Variants in EMC9 observed in about 807,000 individuals in gnomAD.
EMC9 encodes UPF0172 protein FAM158A.
EMC9 carries 20 observed loss-of-function variants against 25.0 expected under a neutral mutation model. That is an observed-to-expected ratio of 0.80 (90% CI 0.56 to 1.16). The LOEUF is 1.16. Ranked by LOEUF, EMC9 falls within the 50% of genes most tolerant of loss-of-function variation. The pLI is 0.00. For missense variants in EMC9, 256 were observed against 268.7 expected, an observed-to-expected ratio of 0.95 and a Z score of 0.33; for synonymous variants, 100 against 107.0, an observed-to-expected ratio of 0.93 and a Z score of 0.40.
chr14:24,141,109 G>A lies in EMC9; in HGVS notation c.196C>T (p.Gln66Ter), dbSNP rs761756914. The change falls in exon 2 of 6, where the codon CAG (glutamine) becomes TAG (stop). Residue 66 changes from glutamine to a stop codon, truncating the protein, a stop_gained and splice_region_variant. Transcript: ENST00000216799. LOFTEE classifies it high-confidence loss of function. Reference protein sequence around the residue: ...LSVMLEVALNQVDVWGAQAGL... With the variant: ...LSVMLEVALN The stretch of plus-strand genomic sequence containing the variant: ...GGATGGGCATCCAACGGAGGCACCT[G>A]GTTGAGGGCGACCTCCAACATGACG... The A allele has an allele frequency of 2.5e-6, 4 of 1,613,910 alleles. No individual in the cohort carries two copies. The highest frequency in any genetic ancestry group is 2.5e-6 in the Non-Finnish European group (3 of 1,180,056).
rs933929936 is a variant in EMC9 at position 24,140,287 on chromosome 14, G to C, written c.275+602C>G. 2.0e-5 allele frequency: 3 copies of C among 153,162 alleles called. No homozygotes were observed. In the East Asian group the frequency reaches 5.7e-4, roughly 29 times the overall value. 9.5% of individuals were successfully genotyped at this position (153,162 alleles called of 1,614,324 possible). A position where few individuals can be genotyped will look rare whatever the true frequency, so the allele number is the denominator to read the frequency against. ...TCAGTTAAAGCAAGATCAGTCTGTT[G>C]GCCGAGAGTGGTGGCTCACGCCTGT... On this transcript the variant is annotated intron_variant, in intron 3 of 5. Transcript: ENST00000216799.
chr14:24,139,792 G>T lies in EMC9; in HGVS notation c.276-178C>A. On this transcript the variant is annotated intron_variant, in intron 3 of 5. Transcript: ENST00000216799. This position sits in a 1 kb window ranked among gnomAD's most constrained non-coding sequence, Gnocchi z 4.6. Reference sequence around the variant, plus strand: ...CACGACTGCTTGATGCTTGAGTGCTGTGGGAGACAGGTGCTCAGATATTGC... The same window carrying T: ...CACGACTGCTTGATGCTTGAGTGCTTTGGGAGACAGGTGCTCAGATATTGC... The T allele has an allele frequency of 1.3e-6, 2 of 1,532,036 alleles. No individual in the cohort carries two copies. The highest frequency in any genetic ancestry group is 1.8e-6 in the Non-Finnish European group (2 of 1,133,878). The allele number at this position is 1,532,036 out of a possible 1,614,324, so 94.9% of individuals were successfully genotyped here.
At chr14:24,141,347 C>G in intron 1 of EMC9, 31 bp from the exon 2 acceptor site, 2 of 1,604,936 alleles carry the variant, frequency 1.2e-6, no homozygotes, top group Non-Finnish European at 8.5e-7. Flanking sequence ...CGGATTAGTA[C>G]CGGATTAGGC....
chr14:24,141,171 T>C lies in EMC9; in HGVS notation c.134A>G (p.Asp45Gly), dbSNP rs781617704. The change falls in exon 2 of 6, where the codon GAC becomes GGC. Residue 45 changes from aspartate (D) to glycine (G), a missense_variant. Physicochemically the swap from Asp to Gly is moderately conservative, Grantham distance 94. Coordinates refer to ENST00000216799, the MANE Select transcript of EMC9 (RefSeq NM_016049.4). ...PRSGECLCLT[D>G]CVPLFHSHLA... ...GTGGCTGTGGAAGAGGGGCACACAG[T>C]CGGTGAGGCACAGGCATTCTCCAGA... 1 of 1,614,098 alleles carries C rather than the reference T, an allele frequency of 6.2e-7. No individual in the cohort carries two copies. The highest frequency in any genetic ancestry group is 8.5e-7 in the Non-Finnish European group (1 of 1,180,042).
Position 24,141,308 on chromosome 14 carries a change from G to C in EMC9, c.-4C>G. On this transcript the variant is annotated 5_prime_UTR_variant, in exon 2 of 6. Coordinates refer to ENST00000216799, the MANE Select transcript of EMC9 (RefSeq NM_016049.4). ...CCGAGATCTCCACCTCCCCCATGGC[G>C]AGCGAGGCCTGGACGGGAAGCAGCA... 6.2e-7 allele frequency: 1 copy of C among 1,613,946 alleles called. No individual in the cohort carries two copies. The highest frequency in any genetic ancestry group is 8.5e-7 in the Non-Finnish European group (1 of 1,180,014).
Position 24,139,596 on chromosome 14 carries a change from C to T in EMC9, c.294G>A (p.Leu98=). ...VNDQSPGPLA[L]KIAGRIAEFF... ...ATTCTGCAATTCGCCCAGCAATTTTCAAGGCCAGGGGCCCAGGGCTGTGTA... is the reference window on the plus strand; with the variant it reads ...ATTCTGCAATTCGCCCAGCAATTTTTAAGGCCAGGGGCCCAGGGCTGTGTA... The change falls in exon 4 of 6, where the codon TTG becomes TTA. Residue 98 remains leucine (L), a synonymous_variant. Transcript: ENST00000216799. This position sits in a 1 kb window ranked among gnomAD's most constrained non-coding sequence, Gnocchi z 4.6. The T allele has an allele frequency of 6.2e-7, 1 of 1,614,034 alleles. No homozygotes were observed. Among genetic ancestry groups the T allele is most frequent in the Non-Finnish European group, 8.5e-7 (1 of 1,179,946 alleles).
intron 1 of EMC9, 58 bp downstream of exon 1, chr14:24,141,380 C>T: frequency 6.7e-7 from 1 of 1,491,418 alleles, no homozygotes; most frequent in Non-Finnish European, 9.3e-7. Flanking sequence ...AGCTCGCGTC[C>T]GTGAAGCTCC....
In EMC9 at chr14:24,139,974, G is replaced by T; in HGVS notation, c.276-360C>A. ...GGACAGTGTCTGTAATAAAACACTG[G>T]AAACAACCTCAATGTTTAAAGTATT... On this transcript the variant is annotated intron_variant, in intron 3 of 5. Coordinates refer to ENST00000216799, the MANE Select transcript of EMC9 (RefSeq NM_016049.4). The surrounding 1 kb of genome is among the most constrained non-coding windows in gnomAD (Gnocchi z 4.6). 1 of 409,002 alleles carries T rather than the reference G, an allele frequency of 2.4e-6. No individual in the cohort carries two copies. The highest frequency in any genetic ancestry group is 4.8e-6 in the Non-Finnish European group (1 of 208,286). The allele number at this position is 409,002 out of a possible 1,614,324, so 25.3% of individuals were successfully genotyped here.
At chr14:24,140,718 G>C (rs1002444677) in intron 3 of EMC9, among the ~76,000 whole-genome samples, 171 bp downstream of exon 3, 4 of 152,158 alleles carry the variant, frequency 2.6e-5, no homozygotes, top group African/African-American at 9.7e-5. Context: ...CATAGTGCCT[G>C]GTGTAAAGCC....
chr14:24,139,611 AGG>A lies in EMC9; in HGVS notation c.277_278del (p.Pro93TrpfsTer17). On this transcript the variant is annotated frameshift_variant and splice_region_variant, in exon 4 of 6. Transcript: ENST00000216799. LOFTEE classifies it high-confidence loss of function. The surrounding 1 kb of genome is among the most constrained non-coding windows in gnomAD (Gnocchi z 4.6). ...HANAAVNDQS[P>X]GPLALKIAGR... ...CAGCAATTTTCAAGGCCAGGGGCCCAGGGCTGTGTAGAGGGAAGATCAGAGGA... is the reference window on the plus strand; with the variant it reads ...CAGCAATTTTCAAGGCCAGGGGCCCAGCTGTGTAGAGGGAAGATCAGAGGA... 1 of 1,613,796 alleles carries A rather than the reference AGG, an allele frequency of 6.2e-7. No individual in the cohort carries two copies. Among genetic ancestry groups the A allele is most frequent in the Non-Finnish European group, 8.5e-7 (1 of 1,179,830 alleles).
At chr14:24,141,350 G>A in intron 1 of EMC9, 34 bp from the exon 2 acceptor site, 3 of 1,600,328 alleles carry the variant, frequency 1.9e-6, no homozygotes, top group African/African-American at 1.3e-5. Flanking sequence ...ATTAGTACCG[G>A]ATTAGGCGAG....
At position 24,141,197 on chromosome 14, in the gene EMC9, C is replaced by T. The variant is rs774458401; in HGVS notation, c.108G>A (p.Arg36=). 6.2e-7 allele frequency: 1 copy of T among 1,614,198 alleles called. No individual in the cohort carries two copies. The highest frequency in any genetic ancestry group is 1.3e-5 in the African/African-American group (1 of 75,080). The part of the protein sequence containing the change: ...VNGLFLAPAP[R]SGECLCLTDC... ...CGGTGAGGCACAGGCATTCTCCAGA[C>T]CGCGGCGCTGGCGCCAAAAACAGCC... The change falls in exon 2 of 6, where the codon CGG becomes CGA. Residue 36 remains arginine, a synonymous_variant. Coordinates refer to ENST00000216799, the MANE Select transcript of EMC9 (RefSeq NM_016049.4).
At position 24,139,238 on chromosome 14, in the gene EMC9, G is replaced by A. The variant is rs765706144; in HGVS notation, c.441-42C>T. The A allele has an allele frequency of 1.4e-5, 22 of 1,609,762 alleles. No individual in the cohort carries two copies. Among genetic ancestry groups the A allele is most frequent in the Non-Finnish European group, 1.9e-5 (22 of 1,176,920 alleles). On this transcript the variant is annotated intron_variant, in intron 5 of 5. Coordinates refer to ENST00000216799, the MANE Select transcript of EMC9 (RefSeq NM_016049.4). This position sits in a 1 kb window ranked among gnomAD's most constrained non-coding sequence, Gnocchi z 4.6. ...CATGGAGGTCAAACAGCAAGTAGTG[G>A]GTCCAGACACAGACTTAACAGAGAT...
rs985204245 is a variant in EMC9, at chr14:24,139,203, T to C, written c.441-7A>G. 1.9e-6 allele frequency: 3 copies of C among 1,613,844 alleles called. No homozygotes were observed. Among genetic ancestry groups the C allele is most frequent in the Non-Finnish European group, 2.5e-6 (3 of 1,179,856 alleles). On this transcript the variant is annotated splice_region_variant and splice_polypyrimidine_tract_variant and intron_variant, in intron 5 of 5. Coordinates refer to ENST00000216799, the MANE Select transcript of EMC9 (RefSeq NM_016049.4). This position sits in a 1 kb window ranked among gnomAD's most constrained non-coding sequence, Gnocchi z 4.6. Reference sequence around the variant, plus strand: ...CCAGTCCCTCCACATCACTCTGAAATAGTAACCCCCATGGAGGTCAAACAG... The same window carrying C: ...CCAGTCCCTCCACATCACTCTGAAACAGTAACCCCCATGGAGGTCAAACAG...
rs762981735 is a variant in EMC9 at position 24,139,749 on chromosome 14, C to CCTGCTGGATGCTTGATGCACGA, written c.276-157_276-136dup. On this transcript the variant is annotated intron_variant, in intron 3 of 5. Transcript: ENST00000216799. This position sits in a 1 kb window ranked among gnomAD's most constrained non-coding sequence, Gnocchi z 4.6. ...CTGTAGGTGGCCTGCGGGGATCGGG[C>CCTGCTGGATGCTTGATGCACGA]CTGCTGGATGCTTGATGCACGACTG... is the stretch of plus-strand genomic sequence containing the variant. The CCTGCTGGATGCTTGATGCACGA allele has an allele frequency of 2.2e-3, 3,433 of 1,546,832 alleles. 6 individuals are homozygous for CCTGCTGGATGCTTGATGCACGA. The highest frequency in any genetic ancestry group is 2.7e-3 in the Non-Finnish European group (3,117 of 1,144,642).
At position 24,140,957 on chromosome 14, in the gene EMC9, C is replaced by CA; in HGVS notation, c.206dup (p.Trp70ValfsTer41). 6.2e-7 allele frequency: 1 copy of CA among 1,614,270 alleles called. No individual in the cohort carries two copies. Among genetic ancestry groups the CA allele is most frequent in the South Asian group, 1.1e-5 (1 of 91,088 alleles). On this transcript the variant is annotated frameshift_variant, in exon 3 of 6. Coordinates refer to ENST00000216799, the MANE Select transcript of EMC9 (RefSeq NM_016049.4). LOFTEE classifies it high-confidence loss of function. Reference sequence around the variant, plus strand: ...CCACCAGACCGGCCTGTGCTCCCCACACATCCACCTGTCGTAGGAAAGGGG... The same window carrying CA: ...CCACCAGACCGGCCTGTGCTCCCCACAACATCCACCTGTCGTAGGAAAGGGG...
rs528985311 is a variant in EMC9 at position 24,141,583 on chromosome 14, C to G, written c.-158G>C. 1.6e-5 allele frequency: 9 copies of G among 572,974 alleles called. No individual in the cohort carries two copies. Among genetic ancestry groups the G allele is most frequent in the African/African-American group, 1.3e-4 (7 of 53,196 alleles). 35.5% of individuals were successfully genotyped at this position (572,974 alleles called of 1,614,324 possible). ...CCTTCCCGCGCCCCTAGCTGGCGGC[C>G]GCGACTCTGCGCCTGCCTGGGAGAC... On this transcript the variant is annotated 5_prime_UTR_variant, in exon 1 of 6. Transcript: ENST00000216799.
Position 24,141,241 on chromosome 14 carries a change from G to A in EMC9, c.64C>T (p.Pro22Ser), listed in dbSNP as rs756632135. ...AACAGCCCGTTGACTGCGGCGTGTG[G>A]GTACCGGGCAGCATGCAGGCACATC... ...VKMCLHAARYPHAAVNGLFLA... is the reference protein window; with the variant it reads ...VKMCLHAARYSHAAVNGLFLA... Residue 22 changes from proline (P) to serine (S), a missense_variant, in exon 2 of 6, where the codon CCA becomes TCA. Pro to Ser is a moderately conservative substitution (Grantham distance 74). Transcript: ENST00000216799. 9.9e-6 allele frequency: 16 copies of A among 1,614,220 alleles called. No homozygotes were observed. The highest frequency in any genetic ancestry group is 1.3e-5 in the Non-Finnish European group (15 of 1,180,042).
chr14:24,141,285 G>A lies in EMC9; in HGVS notation c.20C>T (p.Ser7Leu). 1.2e-6 allele frequency: 2 copies of A among 1,614,140 alleles called. No homozygotes were observed. Among genetic ancestry groups the A allele is most frequent in the East Asian group, 2.2e-5 (1 of 44,894 alleles). MGEVEISALAYVKMCLH... is the reference protein window; with the variant it reads MGEVEILALAYVKMCLH... ...GCACATCTTCACGTAGGCCAGGGCCGAGATCTCCACCTCCCCCATGGCGAG... is the reference window on the plus strand; with the variant it reads ...GCACATCTTCACGTAGGCCAGGGCCAAGATCTCCACCTCCCCCATGGCGAG... Residue 7 changes from serine to leucine, a missense_variant, in exon 2 of 6, where the codon TCG (serine) becomes TTG (leucine). By Grantham distance (145) the Ser-to-Leu change is moderately radical. Coordinates refer to ENST00000216799, the MANE Select transcript of EMC9 (RefSeq NM_016049.4).
Sources: gnomAD v4.1 joint callset for allele counts (sites outside exome capture counted in the v4.1 genomes callset) on GRCh38, gnomAD v4.1.1 for gene constraint, Gnocchi (gnomAD v3.1) non-coding constraint, MANE v1.5 for transcripts, NCBI Gene and HGNC (gene_info 2026-07-23, HGNC 2026-07-21) for gene names.